The following RORA variants were observed in gnomAD, a reference collection of about 807,000 sequenced individuals.
RORA encodes nuclear receptor ROR-alpha.
Under a neutral mutation model 69.5 loss-of-function variants are expected in RORA, and 7 were observed. The ratio of observed to expected loss-of-function variants is 0.10; its 90% CI spans 0.06 to 0.19. The LOEUF is 0.19. RORA is among the 10% of genes least tolerant of loss of function. The pLI, the probability that RORA is intolerant of heterozygous loss-of-function variation, is 1.00. For missense variants in RORA, 457 were observed against 663.0 expected (o/e 0.69, Z 3.41); for synonymous variants, 261 against 240.8 (o/e 1.08, Z -0.78).
chr15:60,987,355 A>G (rs988033240), intron 1 of RORA, among the ~76,000 whole-genome samples: 1 of 152,146 alleles, frequency 6.6e-6, no homozygotes, highest in Non-Finnish European at 1.5e-5. Context: ...TTATTCTTCA[A>G]AGCTCAACTC....
intron 2 of RORA, among the ~76,000 whole-genome samples, chr15:60,583,106 A>G (rs2068237810): frequency 6.6e-6 from 1 of 152,174 alleles, no homozygotes; most frequent in African/African-American, 2.4e-5. Flanking sequence ...TTTTCAAAAG[A>G]AAAAGGGGGC....
At chr15:61,170,842 A>AT (rs1276269885) in intron 1 of RORA, among the ~76,000 whole-genome samples, 8 of 152,308 alleles carry the variant, frequency 5.3e-5, no homozygotes, top group African/African-American at 1.9e-4. Context: ...TTGGGGCTGG[A>AT]TAGTGCACAG....
intron 1 of RORA, among the ~76,000 whole-genome samples, chr15:60,835,080 C>A (rs2073098756): frequency 6.6e-6 from 1 of 152,148 alleles, no homozygotes; most frequent in South Asian, 2.1e-4. Flanking sequence ...CAAGTGTCTA[C>A]AAGACCGGGT....
chr15:61,028,463 G>C (rs56210900), intron 1 of RORA, among the ~76,000 whole-genome samples: 2 of 152,138 alleles, frequency 1.3e-5, no homozygotes, highest in African/African-American at 4.8e-5. Flanking sequence ...TACTATGTGC[G>C]GGGCCCTTTG....
chr15:60,810,997 C>T (rs1347964404), intron 1 of RORA, among the ~76,000 whole-genome samples: 1 of 152,136 alleles, frequency 6.6e-6, no homozygotes, highest in African/African-American at 2.4e-5. Flanking sequence ...AGAGAAAATT[C>T]CAGTTGCTGC....
chr15:61,002,703 T>C (rs1894780648), intron 1 of RORA, among the ~76,000 whole-genome samples: 1 of 152,136 alleles, frequency 6.6e-6, no homozygotes, highest in Non-Finnish European at 1.5e-5. Flanking sequence ...GGGTTTAAAC[T>C]CCGCAAAGTG....
intron 2 of RORA, among the ~76,000 whole-genome samples, chr15:60,626,397 T>C (rs564670119): frequency 7.2e-5 from 11 of 152,238 alleles, no homozygotes; most frequent in Non-Finnish European, 1.5e-4. Flanking sequence ...TTGTTGTCGT[T>C]GTTGTTGTTG....
At chr15:60,559,845 C>A (rs1442467040) in intron 2 of RORA, among the ~76,000 whole-genome samples, 5 of 152,166 alleles carry the variant, frequency 3.3e-5, no homozygotes, top group Non-Finnish European at 7.3e-5. Flanking sequence ...CTAAGCGAGG[C>A]CAGTTTCATG....
At chr15:60,863,760 T>A (rs1481379260) in intron 1 of RORA, among the ~76,000 whole-genome samples, 1 of 152,062 alleles carries the variant, frequency 6.6e-6, no homozygotes, top group African/African-American at 2.4e-5. Context: ...TTCTTTTCAT[T>A]ATCACAAAAG....
At chr15:61,228,996 CCCGCTCCGCGCCCGGGCTCCCG>C in intron 1 of RORA, 35 bp downstream of exon 1, 2 of 1,055,986 alleles carry the variant, frequency 1.9e-6, no homozygotes, top group Non-Finnish European at 2.4e-6. Flanking sequence ...CCGGCCGCCC[CCCGCTCCGCGCCCGGGCTCCCG>C]CCGCCCCCTC....
chr15:61,053,598 G>C (rs910381719), intron 1 of RORA, among the ~76,000 whole-genome samples: 5 of 151,944 alleles, frequency 3.3e-5, no homozygotes, highest in Non-Finnish European at 7.4e-5. Context: ...ATCTGGATCT[G>C]GTGTCCAGGG....
At chr15:61,110,995 A>G (rs2079001758) in intron 1 of RORA, among the ~76,000 whole-genome samples, 1 of 152,090 alleles carries the variant, frequency 6.6e-6, no homozygotes, top group Admixed American at 6.5e-5. Context: ...CACATAGGAG[A>G]CTTCCACAAA....
chr15:61,229,010 G>T (rs530446205), intron 1 of RORA, 43 bp downstream of exon 1: 22 of 1,171,116 alleles, frequency 1.9e-5, no homozygotes, highest in Non-Finnish European at 2.4e-5. Flanking sequence ...CTCCGCGCCC[G>T]GGCTCCCGCC....
intron 2 of RORA, among the ~76,000 whole-genome samples, chr15:60,654,108 A>T (rs1272863847): frequency 6.6e-6 from 1 of 152,186 alleles, no homozygotes; most frequent in Non-Finnish European, 1.5e-5. Context: ...GGAGCTGCTG[A>T]ATAAAGACTT....
intron 1 of RORA, among the ~76,000 whole-genome samples, chr15:60,926,343 G>A (rs1338625400): frequency 2.6e-5 from 4 of 152,206 alleles, no homozygotes; most frequent in Non-Finnish European, 5.9e-5. Flanking sequence ...GCTGTCTACA[G>A]CTTTCCATAA....
At chr15:61,208,148 G>C (rs1387048566) in intron 1 of RORA, among the ~76,000 whole-genome samples, 1 of 152,202 alleles carries the variant, frequency 6.6e-6, no homozygotes, top group Admixed American at 6.5e-5. Context: ...GAAAGGAAGA[G>C]AAAGGAGTCT....
chr15:60,996,424 CACTGA>C (rs1051731891), intron 1 of RORA, among the ~76,000 whole-genome samples: 24 of 152,274 alleles, frequency 1.6e-4, no homozygotes, highest in Admixed American at 5.9e-4. Flanking sequence ...TGTCAAAACT[CACTGA>C]ACTGAACACA....
chr15:60,783,926 C>T (rs867057895), intron 1 of RORA, among the ~76,000 whole-genome samples: 26 of 152,306 alleles, frequency 1.7e-4, no homozygotes, highest in African/African-American at 5.1e-4. Flanking sequence ...AGAATTTGTA[C>T]GCATGATAAT....
intron 1 of RORA, among the ~76,000 whole-genome samples, chr15:60,869,746 G>C (rs531445059): frequency 6.6e-6 from 1 of 152,276 alleles, no homozygotes; most frequent in South Asian, 2.1e-4. Flanking sequence ...CTCTCCCCTT[G>C]GAAAACCATA....
Sources: allele counts gnomAD v4.1 joint callset (sites outside exome capture counted in the v4.1 genomes callset), GRCh38; gene constraint gnomAD v4.1.1; transcripts MANE v1.5; gene names NCBI Gene and HGNC (gene_info 2026-07-23, HGNC 2026-07-21).